The following AP4E1 variants were observed in gnomAD, a reference collection of about 807,000 sequenced individuals.
AP4E1 encodes AP-4 complex subunit epsilon-1.
In AP4E1, 56 loss-of-function variants were observed where a neutral mutation model predicts 128.2. The observed-to-expected ratio is 0.44, with a 90% CI of 0.35 to 0.55. The LOEUF (loss-of-function observed/expected upper bound fraction) is 0.55. AP4E1 is among the 20% of genes least tolerant of loss of function. AP4E1 has a pLI of 0.00. For missense variants in AP4E1, 1,324 were observed against 1,307.7 expected (o/e 1.01, Z -0.19); for synonymous variants, 484 against 473.1 (o/e 1.02, Z -0.30).
At chr15:50,969,815 C>A (rs1038575566) in intron 15 of AP4E1, among the ~76,000 whole-genome samples, 4 of 151,872 alleles carry the variant, frequency 2.6e-5, no homozygotes, top group Non-Finnish European at 4.4e-5. Context: ...CCGGCCACCA[C>A]GCCCAGCTAA....
chr15:50,948,366 CT>C (rs2064093261), intron 11 of AP4E1, among the ~76,000 whole-genome samples: 1 of 61,808 alleles, frequency 1.6e-5, no homozygotes, highest in Non-Finnish European at 3.5e-5. Context: ...TTGCTGGTTT[CT>C]TTTATTCATG....
intron 14 of AP4E1, among the ~76,000 whole-genome samples, chr15:50,967,971 C>G (rs1040673524): frequency 1.3e-5 from 2 of 152,154 alleles, no homozygotes; most frequent in Non-Finnish European, 2.9e-5. Flanking sequence ...CTGCGTGACA[C>G]CATGCCAAGC....
At chr15:50,951,064 C>CA (rs61378471) in intron 13 of AP4E1, among the ~76,000 whole-genome samples, 2,811 of 152,218 alleles carry the variant, frequency 0.018, 103 homozygotes, top group African/African-American at 0.064. Flanking sequence ...TGCTGCATAA[C>CA]AATGTTACCA....
rs757315264 is a variant in AP4E1 at position 50,958,802 on chromosome 15, A to G, written c.1851+8A>G. The G allele has an allele frequency of 1.1e-5, 17 of 1,613,802 alleles. No individual in the cohort carries two copies. The highest frequency in any genetic ancestry group is 1.4e-5 in the Non-Finnish European group (17 of 1,179,860). On this transcript the variant is annotated splice_region_variant and intron_variant, in intron 14 of 20. Transcript: ENST00000261842. ...AGTTGTGAAGACTTGGTGGTAAGAC[A>G]TTGGTGTTCCATCTTTTTAAAAATT...
At position 51,001,022 on chromosome 15, in the gene AP4E1, T is replaced by C. The variant is rs2064955102; in HGVS notation, c.3096-4T>C. 3 of 1,607,024 alleles carry C rather than the reference T, an allele frequency of 1.9e-6. No individual in the cohort carries two copies. The highest frequency in any genetic ancestry group is 2.6e-6 in the Non-Finnish European group (3 of 1,174,450). On this transcript the variant is annotated splice_region_variant and splice_polypyrimidine_tract_variant and intron_variant, in intron 19 of 20. Transcript: ENST00000261842. ...ATATATCTAATTTTAAAAATTATTT[T>C]CAGACCATTAAAAATCTCAAGTGAC...
At chr15:50,928,023 A>C (rs564140279) in intron 5 of AP4E1, among the ~76,000 whole-genome samples, 1 of 152,136 alleles carries the variant, frequency 6.6e-6, no homozygotes, top group Non-Finnish European at 1.5e-5. Flanking sequence ...GCATTTCTTT[A>C]TTTTTGCTTC....
intron 16 of AP4E1, among the ~76,000 whole-genome samples, chr15:50,988,471 T>A (rs567184924): frequency 6.6e-6 from 1 of 152,044 alleles, no homozygotes; most frequent in South Asian, 2.1e-4. Context: ...CCTGCCACCA[T>A]ACCCGGCTAA....
At chr15:50,993,343 A>C in intron 16 of AP4E1, 27 bp from the exon 17 acceptor site, 1 of 1,613,068 alleles carries the variant, frequency 6.2e-7, no homozygotes, top group Non-Finnish European at 8.5e-7. Flanking sequence ...ATTTAAGTTG[A>C]CTTGATTTTA....
intron 16 of AP4E1, among the ~76,000 whole-genome samples, chr15:50,985,343 G>A (rs972396774): frequency 6.6e-6 from 1 of 152,154 alleles, no homozygotes; most frequent in African/African-American, 2.4e-5. Flanking sequence ...TTTGGCTTTT[G>A]TTGCCATTGC....
At chr15:50,918,662 C>G (rs2063657371) in intron 3 of AP4E1, among the ~76,000 whole-genome samples, 1 of 152,074 alleles carries the variant, frequency 6.6e-6, no homozygotes, top group Non-Finnish European at 1.5e-5. Flanking sequence ...TCTGATTAAT[C>G]TTTCCATTGT....
At chr15:50,937,521 A>G (rs2063922690) in intron 8 of AP4E1, among the ~76,000 whole-genome samples, 1 of 152,224 alleles carries the variant, frequency 6.6e-6, no homozygotes, top group African/African-American at 2.4e-5. Context: ...AGAAATTCAC[A>G]ATATAGTGGA....
intron 15 of AP4E1, among the ~76,000 whole-genome samples, chr15:50,968,939 A>G (rs2064436462): frequency 1.3e-5 from 2 of 151,206 alleles, no homozygotes; most frequent in Admixed American, 1.3e-4. Flanking sequence ...ATTTTGAGGA[A>G]CTTTTTTTTT....
intron 14 of AP4E1, among the ~76,000 whole-genome samples, chr15:50,962,681 A>G (rs1195354033): frequency 6.6e-6 from 1 of 152,012 alleles, no homozygotes; most frequent in Admixed American, 6.6e-5. Context: ...ATGCTTTAGG[A>G]CATTGGTCGA....
At position 50,929,148 on chromosome 15, in the gene AP4E1, A is replaced by G. The variant is rs373938768; in HGVS notation, c.682A>G (p.Ile228Val). Residue 228 changes from isoleucine (I) to valine (V), a missense_variant, in exon 6 of 21, where the codon ATA becomes GTA. By Grantham distance (29) the Ile-to-Val change is conservative (BLOSUM62 3). Transcript: ENST00000261842. ...TGGGGTCATGGCTGCCTCCTTGCAT[A>G]TATATCTTAGAATGATTAAGGTAAG... ...DVGVMAASLHIYLRMIKENSS... is the reference protein window; with the variant it reads ...DVGVMAASLHVYLRMIKENSS... 8.1e-6 allele frequency: 13 copies of G among 1,613,724 alleles called. No individual in the cohort carries two copies. The highest frequency in any genetic ancestry group is 1.1e-5 in the Non-Finnish European group (13 of 1,179,922).
chr15:50,932,552 G>T (rs1416781850), intron 7 of AP4E1, among the ~76,000 whole-genome samples: 1 of 152,156 alleles, frequency 6.6e-6, no homozygotes, highest in Non-Finnish European at 1.5e-5. Flanking sequence ...ATATGTTTCT[G>T]TCTTAAGAAA....
In AP4E1 at chr15:50,915,554, T is replaced by C. The variant is rs764502661; in HGVS notation, c.329T>C (p.Leu110Pro). 3 of 1,613,572 alleles carry C rather than the reference T, an allele frequency of 1.9e-6. No homozygotes were observed. In the South Asian group the frequency reaches 3.3e-5, roughly 18 times the overall value. Residue 110 changes from leucine to proline, a missense_variant, in exon 3 of 21, where the codon CTC becomes CCC. Leu to Pro is a moderately conservative substitution (Grantham distance 98). Transcript: ENST00000261842. The stretch of plus-strand genomic sequence containing the variant: ...ATCAAGTTAGCCCAACAAGGAAACC[T>C]CTTAGAAAAAAGAGTAGGTATGTAT... ...HAIKLAQQGN[L>P]LEKRVGYLAV...
rs528918348 is a variant in AP4E1 at position 50,958,638 on chromosome 15, G to A, written c.1695G>A (p.Ala565=). The change falls in exon 14 of 21, where the codon GCG becomes GCA. Residue 565 remains alanine (A), a synonymous_variant. Transcript: ENST00000261842. ...IAAVTKLTSQ[A]HSSNTVERLI... ...CTGTGACCAAATTGACATCTCAGGC[G>A]CACTCTTCTAATACAGTTGAGAGAT... The A allele has an allele frequency of 4.0e-5, 64 of 1,614,106 alleles. 1 individual carries two copies. In the East Asian group the frequency reaches 8.2e-4, roughly 21 times the overall value.
At chr15:50,953,746 G>T (rs2064181816) in intron 13 of AP4E1, among the ~76,000 whole-genome samples, 1 of 152,182 alleles carries the variant, frequency 6.6e-6, no homozygotes, top group Admixed American at 6.5e-5. Context: ...AAAGGTGAAA[G>T]TTCTTGACTT....
At chr15:51,000,846 AT>A (rs2064952512) in intron 19 of AP4E1, among the ~76,000 whole-genome samples, 179 bp from the exon 20 acceptor site, 1 of 152,130 alleles carries the variant, frequency 6.6e-6, no homozygotes, top group Non-Finnish European at 1.5e-5. Context: ...TGCTTTCAGT[AT>A]TTTCATCAGG....
Sources: allele counts gnomAD v4.1 joint callset (sites outside exome capture counted in the v4.1 genomes callset), GRCh38; gene constraint gnomAD v4.1.1; transcripts MANE v1.5; gene names NCBI Gene and HGNC (gene_info 2026-07-23, HGNC 2026-07-21).